The following TIAM2 variants were observed in gnomAD, a reference collection of about 807,000 sequenced individuals.
The protein encoded by TIAM2 is TIAM Rac1 associated GEF 2, also known as rho guanine nucleotide exchange factor TIAM2.
Under a neutral mutation model 152.9 loss-of-function variants are expected in TIAM2, and 80 were observed. That is an observed-to-expected ratio of 0.52 (90% CI 0.44 to 0.63). The LOEUF (loss-of-function observed/expected upper bound fraction) is 0.63, where lower values mean the gene tolerates loss of function less well. TIAM2 is among the 30% of genes least tolerant of loss of function. The probability of loss-of-function intolerance (pLI) is 0.00; values close to 1 mark genes in which losing one functional copy is unlikely to be tolerated. For missense variants in TIAM2, 1,965 were observed against 2,120.1 expected, an observed-to-expected ratio of 0.93 and a Z score of 1.44; for synonymous variants, 804 against 838.0, an observed-to-expected ratio of 0.96 and a Z score of 0.70.
intron 1 of TIAM2, among the ~76,000 whole-genome samples, chr6:155,088,736 C>T (rs1034323262): frequency 6.6e-6 from 1 of 152,222 alleles, no homozygotes; most frequent in Non-Finnish European, 1.5e-5. Flanking sequence ...ACCTGCGGCC[C>T]AGGATGGCTT....
At chr6:155,244,141 G>C (rs1325232285) in intron 17 of TIAM2, 62 bp downstream of exon 17, 1 of 1,444,744 alleles carries the variant, frequency 6.9e-7, no homozygotes, top group African/African-American at 1.4e-5. Context: ...TTGCCTTTTA[G>C]CAGAACTCCT....
chr6:155,248,066 C>T lies in TIAM2; in HGVS notation c.3719C>T (p.Thr1240Met), dbSNP rs116305567. The change falls in exon 20 of 27, where the codon ACG becomes ATG. Residue 1240 changes from threonine to methionine, a missense_variant. Thr to Met is a moderately conservative substitution (Grantham distance 81). This residue lies in a region of TIAM2 where 935 missense variants were observed against 980.0 expected (regional missense o/e 0.95). Coordinates refer to ENST00000682666, the MANE Select transcript of TIAM2 (RefSeq NM_012454.4). ...AACCCCACCAAGCAGCATTCCTCCA[C>T]GCTGGAGTCCTACCTCATCAAGCCG... The part of the protein sequence containing the change: ...ARNPTKQHSS[T>M]LESYLIKPVQ... 1.9e-5 allele frequency: 31 copies of T among 1,614,240 alleles called. No homozygotes were observed. Among genetic ancestry groups the T allele is most frequent in the East Asian group, 6.7e-5 (3 of 44,882 alleles).
chr6:155,086,428 C>T (rs1040961253), intron 1 of TIAM2, among the ~76,000 whole-genome samples: 10 of 152,130 alleles, frequency 6.6e-5, no homozygotes, highest in Non-Finnish European at 1.0e-4. Flanking sequence ...TGTAGTTGGC[C>T]GGGCACGGCG....
chr6:155,221,165 A>G, intron 15 of TIAM2, among the ~76,000 whole-genome samples: 1 of 149,152 alleles, frequency 6.7e-6, no homozygotes, highest in Admixed American at 6.7e-5. Context: ...GTTATTATTC[A>G]GAGTCATCTT....
Position 155,244,034 on chromosome 6 carries a change from A to G in TIAM2, c.3372A>G (p.Leu1124=), listed in dbSNP as rs1465388702. The G allele has an allele frequency of 1.2e-6, 2 of 1,613,984 alleles. No individual in the cohort carries two copies. Among genetic ancestry groups the G allele is most frequent in the Non-Finnish European group, 1.7e-6 (2 of 1,180,026 alleles). The change falls in exon 17 of 27, where the codon TTA becomes TTG. Residue 1124 remains leucine, a synonymous_variant. Transcript: ENST00000682666. ...YVKDLSCLFE[L]YLEPLQNETF... is the part of the protein sequence containing the mutation. ...AGGATTTGAGCTGCCTCTTTGAATT[A>G]TACTTGGAGCCACTTCAGAATGAGA...
intron 1 of TIAM2, among the ~76,000 whole-genome samples, chr6:155,005,816 A>AT (rs1460213584): frequency 8.6e-5 from 13 of 151,090 alleles, no homozygotes; most frequent in African/African-American, 2.7e-4. Flanking sequence ...CGCCCAGCTA[A>AT]TTTTTCTATT....
intron 9 of TIAM2, among the ~76,000 whole-genome samples, chr6:155,172,044 C>T (rs1419599536): frequency 6.6e-6 from 1 of 152,164 alleles, no homozygotes; most frequent in Non-Finnish European, 1.5e-5. Context: ...CACGGAGTTT[C>T]AATTTTTTCT....
chr6:155,118,632 AC>A (rs1779073252), intron 2 of TIAM2, among the ~76,000 whole-genome samples: 1 of 151,390 alleles, frequency 6.6e-6, no homozygotes, highest in Non-Finnish European at 1.5e-5. Context: ...AAGGGGTTTC[AC>A]CGTGTTGGCC....
chr6:155,256,628 G>A lies in TIAM2; in HGVS notation c.4613G>A (p.Arg1538Lys). Reference sequence around the variant, plus strand: ...AGCGGCTGCCCCACGGCTGAGGGCAGGCAGGACTCCAAGAGCACTTCTCCC... The same window carrying A: ...AGCGGCTGCCCCACGGCTGAGGGCAAGCAGGACTCCAAGAGCACTTCTCCC... Reference protein sequence around the residue: ...QSSGCPTAEGRQDSKSTSPGK... With the variant: ...QSSGCPTAEGKQDSKSTSPGK... Residue 1538 changes from arginine to lysine, a missense_variant, in exon 27 of 27, where the codon AGG becomes AAG. Around this residue, in one of 3 missense-constraint regions of TIAM2, gnomAD observed 935 missense variants for 980.0 expected, o/e 0.95. Coordinates refer to ENST00000682666, the MANE Select transcript of TIAM2 (RefSeq NM_012454.4). The A allele has an allele frequency of 6.2e-7, 1 of 1,614,178 alleles. No individual in the cohort carries two copies. The highest frequency in any genetic ancestry group is 1.1e-5 in the South Asian group (1 of 91,076).
chr6:155,096,511 C>A (rs1022199208), intron 2 of TIAM2, among the ~76,000 whole-genome samples: 7 of 151,940 alleles, frequency 4.6e-5, no homozygotes, highest in Non-Finnish European at 1.5e-5. Flanking sequence ...TCCTTCCTAC[C>A]CTTCCCAGCC....
chr6:155,020,618 C>T (rs577909352), intron 1 of TIAM2, among the ~76,000 whole-genome samples: 1 of 151,616 alleles, frequency 6.6e-6, no homozygotes, highest in South Asian at 2.1e-4. Context: ...TGCATCACCA[C>T]ACCAGGCTAA....
rs150560357 is a variant in TIAM2, at chr6:155,183,335, G to A, written c.2899G>A (p.Gly967Arg). 5,881 of 1,614,108 alleles carry A rather than the reference G, an allele frequency of 3.6e-3. 56 individuals carry two copies. The highest frequency in any genetic ancestry group is 0.024 in the South Asian group (2,184 of 91,072). The change falls in exon 14 of 27, where the codon GGA becomes AGA. Residue 967 changes from glycine to arginine, a missense_variant. Physicochemically the swap from Gly to Arg is moderately radical, Grantham distance 125. Transcript: ENST00000682666. ...MEALFSEKSVGLTLIARPPDT... is the reference protein window; with the variant it reads ...MEALFSEKSVRLTLIARPPDT... ...GGCCCTGTTTTCTGAGAAGAGCGTC[G>A]GACTCACTCTGATTGCCCGGCCTCC...
intron 1 of TIAM2, among the ~76,000 whole-genome samples, chr6:155,005,929 C>A (rs903611430): frequency 1.3e-5 from 2 of 152,178 alleles, no homozygotes; most frequent in African/African-American, 2.4e-5. Context: ...GCATCACAGG[C>A]GTGAGCCACT....
intron 1 of TIAM2, among the ~76,000 whole-genome samples, chr6:155,088,052 C>CTTTTTTTTTTT (rs113372173): frequency 8.4e-6 from 1 of 118,998 alleles, no homozygotes; most frequent in Non-Finnish European, 1.7e-5. Flanking sequence ...TTCTTTCTTT[C>CTTTTTTTTTTT]TTTTTTTTTT....
intron 2 of TIAM2, among the ~76,000 whole-genome samples, chr6:155,118,669 A>G (rs1237428927): frequency 6.6e-6 from 1 of 151,986 alleles, no homozygotes; most frequent in Non-Finnish European, 1.5e-5. Flanking sequence ...TCCTGACCTC[A>G]GGTGATCTGC....
At chr6:155,158,049 T>G (rs973639487) in intron 7 of TIAM2, among the ~76,000 whole-genome samples, 14 of 152,146 alleles carry the variant, frequency 9.2e-5, no homozygotes, top group African/African-American at 3.4e-4. Flanking sequence ...TGAAGATAGG[T>G]TTTAGTATTT....
chr6:155,034,269 GAGAT>G (rs1776880986), intron 1 of TIAM2, among the ~76,000 whole-genome samples: 1 of 151,956 alleles, frequency 6.6e-6, no homozygotes, highest in Non-Finnish European at 1.5e-5. Context: ...TGTTTTGTTT[GAGAT>G]AGAGTCTTGC....
chr6:155,092,645 C>T (rs1466402247), intron 2 of TIAM2, among the ~76,000 whole-genome samples: 1 of 151,736 alleles, frequency 6.6e-6, no homozygotes, highest in Non-Finnish European at 1.5e-5. Flanking sequence ...CACCTGAGGT[C>T]GGGAGTTCAA....
At chr6:155,047,667 G>GGAGAGA (rs143874214) in intron 1 of TIAM2, among the ~76,000 whole-genome samples, 6 of 73,366 alleles carry the variant, frequency 8.2e-5, no homozygotes, top group African/African-American at 3.2e-4. Context: ...GAGAGAGAGA[G>GGAGAGA]GAGAGAGAGA....
Sources: allele counts gnomAD v4.1 joint callset (sites outside exome capture counted in the v4.1 genomes callset), GRCh38; gene constraint gnomAD v4.1.1; regional missense constraint gnomAD v4.1.1; transcripts MANE v1.5; gene names NCBI Gene and HGNC (gene_info 2026-07-23, HGNC 2026-07-21).